Variants in ADAMTS1 observed in about 807,000 individuals in gnomAD.
ADAMTS1 encodes the protein A disintegrin and metalloproteinase with thrombospondin motifs 1.
Under a neutral mutation model 87.9 loss-of-function variants are expected in ADAMTS1, and 19 were observed. That is an observed-to-expected ratio of 0.22 (90% CI 0.15 to 0.32). The LOEUF (loss-of-function observed/expected upper bound fraction) is 0.32, where lower values mean the gene tolerates loss of function less well. ADAMTS1 is among the 10% of genes least tolerant of loss of function. The pLI is 1.00. For missense variants in ADAMTS1, 1,240 were observed against 1,259.1 expected (o/e 0.98, Z 0.23); for synonymous variants, 542 against 501.8 (o/e 1.08, Z -1.07).
chr21:26,835,849 T>G lies in ADAMTS1; in HGVS notation c.*1730A>C, dbSNP rs2123313013. Reference sequence around the variant, plus strand: ...ACCCATTATTTGTTTTTGCAAGTAGTTTTTTTAGAACACAGCCATGTCCAT... The same window carrying G: ...ACCCATTATTTGTTTTTGCAAGTAGGTTTTTTAGAACACAGCCATGTCCAT... On this transcript the variant is annotated 3_prime_UTR_variant, in exon 9 of 9. Coordinates refer to ENST00000284984, the MANE Select transcript of ADAMTS1 (RefSeq NM_006988.5). The G allele has an allele frequency of 6.6e-6, 1 of 152,332 alleles. No individual in the cohort carries two copies. Among genetic ancestry groups the G allele is most frequent in the East Asian group, 1.9e-4 (1 of 5,184 alleles). 9.4% of individuals were successfully genotyped at this position (152,332 alleles called of 1,614,324 possible).
rs781154347 is a variant in ADAMTS1, at chr21:26,844,323, G to A, written c.632C>T (p.Ala211Val). 1.1e-4 allele frequency: 169 copies of A among 1,608,434 alleles called. No individual in the cohort carries two copies. Among genetic ancestry groups the A allele is most frequent in the Non-Finnish European group, 1.4e-4 (160 of 1,178,704 alleles). Residue 211 changes from alanine to valine, a missense_variant, in exon 1 of 9, where the codon GCG (alanine) becomes GTG (valine). Ala to Val is a moderately conservative substitution (Grantham distance 64, BLOSUM62 0). Transcript: ENST00000284984. Reference sequence around the variant, plus strand: ...CCCTTCGTCCTCGTCTTCGGTCTCCGCTTTCCCAGTCGGCCGGGGCTCGTC... The same window carrying A: ...CCCTTCGTCCTCGTCTTCGGTCTCCACTTTCCCAGTCGGCCGGGGCTCGTC... ...VDDEPRPTGK[A>V]ETEDEDEGTE...
At position 26,840,518 on chromosome 21, in the gene ADAMTS1, C is replaced by T. The variant is rs775768289; in HGVS notation, c.1423G>A (p.Gly475Ser). The change falls in exon 5 of 9, where the codon GGC becomes AGC. Residue 475 changes from glycine (G) to serine (S), a missense_variant. Coordinates refer to ENST00000284984, the MANE Select transcript of ADAMTS1 (RefSeq NM_006988.5). ...DKPQNPIQLPGDLPGTSYDAN... is the reference protein window; with the variant it reads ...DKPQNPIQLPSDLPGTSYDAN... ...TCGTACGAGGTGCCAGGGAGATCGCCTGGGAGCTGTATGGGATTCTGAGGC... is the reference window on the plus strand; with the variant it reads ...TCGTACGAGGTGCCAGGGAGATCGCTTGGGAGCTGTATGGGATTCTGAGGC... 3 of 1,614,228 alleles carry T rather than the reference C, an allele frequency of 1.9e-6. No individual in the cohort carries two copies. Among genetic ancestry groups the T allele is most frequent in the South Asian group, 1.1e-5 (1 of 91,086 alleles).
At position 26,841,868 on chromosome 21, in the gene ADAMTS1, G is replaced by A; in HGVS notation, c.1200C>T (p.Ala400=). 1 of 1,612,794 alleles carries A rather than the reference G, an allele frequency of 6.2e-7. No homozygotes were observed. Among genetic ancestry groups the A allele is most frequent in the Non-Finnish European group, 8.5e-7 (1 of 1,179,740 alleles). The change falls in exon 3 of 9, where the codon GCC becomes GCT. Residue 400 remains alanine (A), a synonymous_variant. Coordinates refer to ENST00000284984, the MANE Select transcript of ADAMTS1 (RefSeq NM_006988.5). ...DDGLQAAFTT[A]HELGHVFNMP... is the part of the protein sequence containing the mutation. Reference sequence around the variant, plus strand: ...TTGAAGCAGACTTACCTAATTCATGGGCTGTGGTGAAGGCAGCTTGTAAAC... The same window carrying A: ...TTGAAGCAGACTTACCTAATTCATGAGCTGTGGTGAAGGCAGCTTGTAAAC...
chr21:26,837,706 T>G lies in ADAMTS1; in HGVS notation c.2777A>C (p.Lys926Thr), dbSNP rs374040154. 3 of 1,614,070 alleles carry G rather than the reference T, an allele frequency of 1.9e-6. No homozygotes were observed. The African/African-American group carries it at 4.0e-5, about 22-fold the overall frequency. ...CTTCAAGCTTCTTTTTTTGTAACCC[T>G]TCCCACAGGTCTTAGAACATGATGA... ...EWSSCSKTCG[K>T]GYKKRSLKCL... The change falls in exon 9 of 9, where the codon AAG becomes ACG. Residue 926 changes from lysine (K) to threonine (T), a missense_variant. Physicochemically the swap from Lys to Thr is moderately conservative, Grantham distance 78 (BLOSUM62 -1). This residue lies in a region of ADAMTS1 where 402 missense variants were observed against 399.1 expected (regional missense o/e 1.01). Coordinates refer to ENST00000284984, the MANE Select transcript of ADAMTS1 (RefSeq NM_006988.5).
Position 26,844,304 on chromosome 21 carries a change from G to A in ADAMTS1, c.651C>T (p.Asp217=), listed in dbSNP as rs781476544. Reference sequence around the variant, plus strand: ...CTTCGTCCTCGCCCTCAGTCCCTTCGTCCTCGTCTTCGGTCTCCGCTTTCC... The same window carrying A: ...CTTCGTCCTCGCCCTCAGTCCCTTCATCCTCGTCTTCGGTCTCCGCTTTCC... ...PTGKAETEDE[D]EGTEGEDEGA... Residue 217 remains aspartate, a synonymous_variant, in exon 1 of 9, where the codon GAC becomes GAT. Coordinates refer to ENST00000284984, the MANE Select transcript of ADAMTS1 (RefSeq NM_006988.5). 4 of 1,609,512 alleles carry A rather than the reference G, an allele frequency of 2.5e-6. No homozygotes were observed. The highest frequency in any genetic ancestry group is 2.5e-6 in the Non-Finnish European group (3 of 1,178,850).
chr21:26,842,925 A>C, intron 1 of ADAMTS1: 1 of 533,382 alleles, frequency 1.9e-6, no homozygotes, highest in Non-Finnish European at 3.3e-6. Context: ...GTGTGTGAGC[A>C]GGATTTCTTC....
intron 7 of ADAMTS1, 162 bp from the exon 8 acceptor site, chr21:26,838,776 T>A: frequency 1.6e-6 from 1 of 643,174 alleles, no homozygotes; most frequent in South Asian, 2.4e-5. Flanking sequence ...CTTTGGCATA[T>A]TTTTCAGTAC....
At position 26,838,525 on chromosome 21, in the gene ADAMTS1, G is replaced by A. The variant is rs773568395; in HGVS notation, c.2118C>T (p.Asp706=). ...CACATTTATCAAACTTCTTTTTGGAGTCTATGATGCGATCACAACCAGCTT... is the reference window on the plus strand; with the variant it reads ...CACATTTATCAAACTTCTTTTTGGAATCTATGATGCGATCACAACCAGCTT... ...CVKAGCDRII[D]SKKKFDKCGV... is the part of the protein sequence containing the mutation. Residue 706 remains aspartate, a synonymous_variant, in exon 8 of 9, where the codon GAC becomes GAT. Coordinates refer to ENST00000284984, the MANE Select transcript of ADAMTS1 (RefSeq NM_006988.5). 1.2e-6 allele frequency: 2 copies of A among 1,614,144 alleles called. No homozygotes were observed. The highest frequency in any genetic ancestry group is 1.1e-5 in the South Asian group (1 of 91,084).
chr21:26,844,699 C>T lies in ADAMTS1; in HGVS notation c.256G>A (p.Asp86Asn). 1 of 1,592,870 alleles carries T rather than the reference C, an allele frequency of 6.3e-7. No homozygotes were observed. The highest frequency in any genetic ancestry group is 8.5e-7 in the Non-Finnish European group (1 of 1,170,220). Residue 86 changes from aspartate to asparagine, a missense_variant, in exon 1 of 9, where the codon GAT becomes AAT. Physicochemically the swap from Asp to Asn is conservative, Grantham distance 23. Coordinates refer to ENST00000284984, the MANE Select transcript of ADAMTS1 (RefSeq NM_006988.5). Reference protein sequence around the residue: ...LRLHAFDQQLDLELRPDSSFL... With the variant: ...LRLHAFDQQLNLELRPDSSFL... ...CTGCTGTCGGGCCGCAGCTCCAGAT[C>T]CAGCTGCTGGTCAAAGGCGTGCAGG...
Position 26,837,206 on chromosome 21 carries a change from T to C in ADAMTS1, c.*373A>G. 5.6e-6 allele frequency: 1 copy of C among 178,054 alleles called. No homozygotes were observed. 11.0% of individuals were successfully genotyped at this position (178,054 alleles called of 1,614,324 possible). A position where few individuals can be genotyped will look rare whatever the true frequency, so the allele number is the denominator to read the frequency against. ...CCTACTTTTCATTTCCCAACCCCCATGATACTAAGTATTTGATAAGTACCA... is the reference window on the plus strand; with the variant it reads ...CCTACTTTTCATTTCCCAACCCCCACGATACTAAGTATTTGATAAGTACCA... On this transcript the variant is annotated 3_prime_UTR_variant, in exon 9 of 9. Coordinates refer to ENST00000284984, the MANE Select transcript of ADAMTS1 (RefSeq NM_006988.5).
chr21:26,843,462 G>A (rs1209712966), intron 1 of ADAMTS1: 2 of 469,978 alleles, frequency 4.3e-6, no homozygotes, highest in Admixed American at 2.4e-5. Flanking sequence ...AAGGAAAAAG[G>A]CACCAAAGTG....
At position 26,839,887 on chromosome 21, in the gene ADAMTS1, G is replaced by A. The variant is rs758932021; in HGVS notation, c.1840C>T (p.Pro614Ser). ...RYRSCNLEDC[P>S]DNNGKTFREE... ...CGTTGCTCCTCACCATTATTGTCTGGACAGTCCTCAAGGTTACAGGATCTG... is the reference window on the plus strand; with the variant it reads ...CGTTGCTCCTCACCATTATTGTCTGAACAGTCCTCAAGGTTACAGGATCTG... The change falls in exon 6 of 9, where the codon CCA becomes TCA. Residue 614 changes from proline (P) to serine (S), a missense_variant. Physicochemically the swap from Pro to Ser is moderately conservative, Grantham distance 74 (BLOSUM62 -1). Transcript: ENST00000284984. 3.1e-6 allele frequency: 5 copies of A among 1,613,746 alleles called. No individual in the cohort carries two copies. The East Asian group carries it at 6.7e-5, about 22-fold the overall frequency.
At position 26,838,160 on chromosome 21, in the gene ADAMTS1, C is replaced by T; in HGVS notation, c.2323G>A (p.Gly775Ser). Reference protein sequence around the residue: ...GSFLAIKAADGTYILNGDYTL... With the variant: ...GSFLAIKAADSTYILNGDYTL... ...TAGTCACCATTAAGAATATATGTGCCATCAGCAGCTTTGATGGCAAGAAAG... is the reference window on the plus strand; with the variant it reads ...TAGTCACCATTAAGAATATATGTGCTATCAGCAGCTTTGATGGCAAGAAAG... The change falls in exon 9 of 9, where the codon GGC (glycine) becomes AGC (serine). Residue 775 changes from glycine (G) to serine (S), a missense_variant. By Grantham distance (56) the Gly-to-Ser change is moderately conservative (BLOSUM62 0). Around this residue, in one of 3 missense-constraint regions of ADAMTS1, gnomAD observed 402 missense variants for 399.1 expected, o/e 1.01. Transcript: ENST00000284984. 6.2e-7 allele frequency: 1 copy of T among 1,614,090 alleles called. No homozygotes were observed. Among genetic ancestry groups the T allele is most frequent in the Non-Finnish European group, 8.5e-7 (1 of 1,180,028 alleles).
At position 26,840,530 on chromosome 21, in the gene ADAMTS1, T is replaced by C. The variant is rs368529968; in HGVS notation, c.1411A>G (p.Ile471Val). 4.0e-5 allele frequency: 65 copies of C among 1,614,084 alleles called. No homozygotes were observed. The highest frequency in any genetic ancestry group is 5.3e-5 in the Non-Finnish European group (62 of 1,180,036). ...ECLMDKPQNP[I>V]QLPGDLPGTS... ...CCAGGGAGATCGCCTGGGAGCTGTA[T>C]GGGATTCTGAGGCTTGTCCATCAAA... Residue 471 changes from isoleucine (I) to valine (V), a missense_variant, in exon 5 of 9, where the codon ATA (isoleucine) becomes GTA (valine). Ile to Val is a conservative substitution (Grantham distance 29). Around this residue, in one of 3 missense-constraint regions of ADAMTS1, gnomAD observed 317 missense variants for 410.3 expected, o/e 0.77. Coordinates refer to ENST00000284984, the MANE Select transcript of ADAMTS1 (RefSeq NM_006988.5).
In ADAMTS1 at chr21:26,845,202, C is replaced by A. The variant is rs1236649117; in HGVS notation, c.-248G>T. 2 of 431,300 alleles carry A rather than the reference C, an allele frequency of 4.6e-6. No individual in the cohort carries two copies. Among genetic ancestry groups the A allele is most frequent in the Non-Finnish European group, 7.8e-6 (2 of 256,716 alleles). 26.7% of individuals were successfully genotyped at this position (431,300 alleles called of 1,614,324 possible). ...AAAGTTGGAGACACTGAGAGGCAGG[C>A]GCAGGCAGAGTGGCTCTGCTGGGAC... On this transcript the variant is annotated 5_prime_UTR_variant, in exon 1 of 9. Coordinates refer to ENST00000284984, the MANE Select transcript of ADAMTS1 (RefSeq NM_006988.5).
At position 26,844,762 on chromosome 21, in the gene ADAMTS1, G is replaced by T. The variant is rs546720072; in HGVS notation, c.193C>A (p.Leu65Met). ...EEDEELVVPE[L>M]ERAPGHGTTR... is the part of the protein sequence containing the mutation. ...GTCCCGTGTCCCGGGGCGCGCTCCAGCTCCGGCACCACTAGCTCCTCGTCC... is the reference window on the plus strand; with the variant it reads ...GTCCCGTGTCCCGGGGCGCGCTCCATCTCCGGCACCACTAGCTCCTCGTCC... The change falls in exon 1 of 9, where the codon CTG becomes ATG. Residue 65 changes from leucine (L) to methionine (M), a missense_variant. By Grantham distance (15) the Leu-to-Met change is conservative. Transcript: ENST00000284984. 1 of 1,553,456 alleles carries T rather than the reference G, an allele frequency of 6.4e-7. No individual in the cohort carries two copies. Among genetic ancestry groups the T allele is most frequent in the Middle Eastern group, 1.7e-4 (1 of 5,946 alleles).
In ADAMTS1 at chr21:26,842,486, C is replaced by T; in HGVS notation, c.930G>A (p.Leu310=). The change falls in exon 2 of 9, where the codon TTG becomes TTA. Residue 310 remains leucine (L), a synonymous_variant. Transcript: ENST00000284984. ...GCCCCTTCTGTTCATCGTGGATGAC[C>T]AAGATCTTCACCACCACCAGGCTAA... is the stretch of plus-strand genomic sequence containing the variant. ...NSVSLVVVKI[L]VIHDEQKGPE... The T allele has an allele frequency of 6.2e-7, 1 of 1,614,136 alleles. No homozygotes were observed. Among genetic ancestry groups the T allele is most frequent in the Non-Finnish European group, 8.5e-7 (1 of 1,180,028 alleles).
Position 26,837,851 on chromosome 21 carries a change from GTCT to G in ADAMTS1, c.2629_2631del (p.Arg877del). 6.2e-7 allele frequency: 1 copy of G among 1,614,168 alleles called. No individual in the cohort carries two copies. Among genetic ancestry groups the G allele is most frequent in the Non-Finnish European group, 8.5e-7 (1 of 1,180,032 alleles). On this transcript the variant is annotated inframe_deletion, in exon 9 of 9. Transcript: ENST00000284984. ...CCATTAATGTCTCGGCATTCTACCAGTCTTCTCTGCCAACCCAATTCACATGAC... is the reference window on the plus strand; with the variant it reads ...CCATTAATGTCTCGGCATTCTACCAGTCTCTGCCAACCCAATTCACATGAC...
intron 8 of ADAMTS1, 36 bp from the exon 9 acceptor site, chr21:26,838,314 C>A: frequency 6.3e-7 from 1 of 1,575,142 alleles, no homozygotes; most frequent in South Asian, 1.2e-5. Flanking sequence ...ATCTCTGATT[C>A]ATTGGCTAAT....
Sources: allele counts gnomAD v4.1 joint callset, GRCh38; gene constraint gnomAD v4.1.1; regional missense constraint gnomAD v4.1.1; transcripts MANE v1.5; gene names NCBI Gene and HGNC (gene_info 2026-07-23, HGNC 2026-07-21).